Variants in CTNNA3 observed in about 807,000 individuals in gnomAD.
The protein encoded by CTNNA3 is catenin alpha 3, also known as catenin alpha-3.
Under a neutral mutation model 95.7 loss-of-function variants are expected in CTNNA3, and 76 were observed. The observed-to-expected ratio is 0.79, with a 90% CI of 0.66 to 0.96. The LOEUF is 0.96. Among genes scored for constraint, CTNNA3 ranks in the 40% least tolerant of loss-of-function variants. CTNNA3 has a pLI of 0.00. For synonymous variants in CTNNA3, 431 were observed against 374.4 expected (o/e 1.15, Z -1.74); for missense variants, 1,191 against 1,089.8 (o/e 1.09, Z -1.31).
chr10:66,569,375 T>C (rs1261499428), intron 10 of CTNNA3, among the ~76,000 whole-genome samples: 1 of 152,180 alleles, frequency 6.6e-6, no homozygotes, highest in Non-Finnish European at 1.5e-5. Flanking sequence ...TGTATTCTTT[T>C]ATGGACTTTA....
At chr10:67,169,852 T>C (rs147867861) in intron 7 of CTNNA3, among the ~76,000 whole-genome samples, 164 of 152,216 alleles carry the variant, frequency 1.1e-3, no homozygotes, top group Non-Finnish European at 1.7e-3. Context: ...GAGAAAATAT[T>C]TGCAAACTAT....
intron 10 of CTNNA3, among the ~76,000 whole-genome samples, chr10:66,589,519 T>C (rs1843475181): frequency 1.3e-5 from 2 of 152,064 alleles, no homozygotes; most frequent in South Asian, 4.2e-4. Context: ...CCTCTACATA[T>C]CATTGTGCAT....
At chr10:67,387,037 C>G (rs958015272) in intron 5 of CTNNA3, among the ~76,000 whole-genome samples, 5 of 152,102 alleles carry the variant, frequency 3.3e-5, no homozygotes, top group African/African-American at 4.8e-5. Flanking sequence ...ACAAGAAGCC[C>G]GTTAGTTGAG....
At chr10:65,949,856 C>T (rs1316550510) in intron 17 of CTNNA3, among the ~76,000 whole-genome samples, 1 of 151,982 alleles carries the variant, frequency 6.6e-6, no homozygotes, top group Non-Finnish European at 1.5e-5. Context: ...TGTTAGCAGC[C>T]AACACTCACA....
chr10:65,952,846 T>C (rs2077647356), intron 17 of CTNNA3, among the ~76,000 whole-genome samples: 1 of 152,206 alleles, frequency 6.6e-6, no homozygotes, highest in Non-Finnish European at 1.5e-5. Context: ...CTTTGACTGA[T>C]TAGTTTTATT....
intron 11 of CTNNA3, among the ~76,000 whole-genome samples, chr10:66,403,425 C>T (rs796730333): frequency 3.3e-5 from 5 of 152,106 alleles, no homozygotes; most frequent in Non-Finnish European, 7.4e-5. Flanking sequence ...AAAATCATGG[C>T]GGAAGGTGAA....
intron 13 of CTNNA3, among the ~76,000 whole-genome samples, chr10:66,105,359 A>G (rs1327384433): frequency 1.3e-5 from 2 of 152,192 alleles, no homozygotes; most frequent in African/African-American, 4.8e-5. Context: ...TTATATCACC[A>G]GGCCCTATAA....
chr10:66,209,515 C>T (rs1268226930), intron 13 of CTNNA3, among the ~76,000 whole-genome samples: 2 of 151,986 alleles, frequency 1.3e-5, no homozygotes, highest in Non-Finnish European at 2.9e-5. Flanking sequence ...AAGAGAAAAG[C>T]TAGTTCCAAA....
chr10:66,178,876 T>C (rs530014353), intron 13 of CTNNA3, among the ~76,000 whole-genome samples: 3 of 152,034 alleles, frequency 2.0e-5, no homozygotes, highest in Admixed American at 2.0e-4. Context: ...CCTATCAGAA[T>C]GGCTAAAATA....
chr10:67,691,278 A>G (rs1253847265), intron 1 of CTNNA3, among the ~76,000 whole-genome samples: 1 of 152,146 alleles, frequency 6.6e-6, no homozygotes, highest in Non-Finnish European at 1.5e-5. Context: ...TTGGCCTCCC[A>G]AAGTGCCGAG....
chr10:67,284,853 A>G (rs1174590847), intron 5 of CTNNA3, among the ~76,000 whole-genome samples: 20 of 152,228 alleles, frequency 1.3e-4, no homozygotes, highest in Non-Finnish European at 2.2e-4. Context: ...TTGAAAAAAG[A>G]AAAATAGCTC....
At chr10:66,153,626 G>T (rs1163795941) in intron 13 of CTNNA3, among the ~76,000 whole-genome samples, 2 of 151,820 alleles carry the variant, frequency 1.3e-5, no homozygotes, top group Non-Finnish European at 2.9e-5. Context: ...TCTTTTCTGA[G>T]ATGCCTCTCC....
chr10:67,348,812 A>G (rs1842530645), intron 5 of CTNNA3, among the ~76,000 whole-genome samples: 1 of 152,122 alleles, frequency 6.6e-6, no homozygotes, highest in Admixed American at 6.5e-5. Context: ...CATCCAAACC[A>G]TATCACCATA....
intron 5 of CTNNA3, among the ~76,000 whole-genome samples, chr10:67,343,020 T>C (rs1170532192): frequency 6.6e-6 from 1 of 152,234 alleles, no homozygotes; most frequent in Non-Finnish European, 1.5e-5. Context: ...TGGCACGATC[T>C]TGGCTCACTG....
At chr10:67,230,823 T>G (rs748956192) in intron 5 of CTNNA3, among the ~76,000 whole-genome samples, 14 of 152,236 alleles carry the variant, frequency 9.2e-5, no homozygotes, top group Non-Finnish European at 1.6e-4. Context: ...GCACACACCG[T>G]GCGCGAGCCG....
intron 13 of CTNNA3, among the ~76,000 whole-genome samples, chr10:66,168,822 A>T (rs2085273028): frequency 6.6e-6 from 1 of 152,180 alleles, no homozygotes; most frequent in African/African-American, 2.4e-5. Flanking sequence ...GGCAGCTAAA[A>T]GTCAATAAAT....
chr10:67,283,862 T>A (rs1338259782), intron 5 of CTNNA3, among the ~76,000 whole-genome samples: 1 of 152,224 alleles, frequency 6.6e-6, no homozygotes, highest in Non-Finnish European at 1.5e-5. Flanking sequence ...AATATCCTTT[T>A]GAACAATCAT....
At chr10:67,220,969 C>T (rs935647662) in intron 5 of CTNNA3, among the ~76,000 whole-genome samples, 1 of 152,096 alleles carries the variant, frequency 6.6e-6, no homozygotes, top group Non-Finnish European at 1.5e-5. Context: ...TCCTAAATGA[C>T]ACCTGGGCAG....
chr10:65,994,371 A>T (rs573501181), intron 15 of CTNNA3, among the ~76,000 whole-genome samples: 5 of 151,470 alleles, frequency 3.3e-5, no homozygotes, highest in African/African-American at 1.2e-4. Context: ...GAAAGAGTTT[A>T]TTTCTTTTTT....
Sources: gnomAD v4.1 joint callset for allele counts (sites outside exome capture counted in the v4.1 genomes callset) on GRCh38, gnomAD v4.1.1 for gene constraint, MANE v1.5 for transcripts, NCBI Gene and HGNC (gene_info 2026-07-23, HGNC 2026-07-21) for gene names.